Variants in BST1 observed in about 807,000 individuals in gnomAD.
BST1 encodes bone marrow stromal cell antigen 1, also known as ADP-ribosyl cyclase/cyclic ADP-ribose hydrolase 2.
Under a neutral mutation model 40.6 loss-of-function variants are expected in BST1, and 49 were observed. The observed-to-expected ratio is 1.21, with a 90% CI of 0.96 to 1.53. The LOEUF (loss-of-function observed/expected upper bound fraction) is 1.53. Ranked by LOEUF, BST1 falls within the 40% of genes most tolerant of loss-of-function variation. The probability of loss-of-function intolerance (pLI) is 0.00; values close to 1 mark genes in which losing one functional copy is unlikely to be tolerated. For missense variants in BST1, 423 were observed against 395.9 expected (o/e 1.07, Z -0.58); for synonymous variants, 157 against 159.3 (o/e 0.99, Z 0.11).
chr4:15,756,881 A>C, the BST1 span, among the ~76,000 whole-genome samples: 4 of 152,140 alleles, frequency 2.6e-5, no homozygotes, highest in Admixed American at 1.3e-4. Flanking sequence ...CCCAAAATAC[A>C]CTTCCTGGCA....
At chr4:15,709,357 G>A (rs1012005717) in intron 3 of BST1, among the ~76,000 whole-genome samples, 6 of 152,180 alleles carry the variant, frequency 3.9e-5, no homozygotes, top group Non-Finnish European at 5.9e-5. Context: ...GGGCAAAGAG[G>A]AAAGTGTGAG....
chr4:15,715,889 A>G, intron 6 of BST1, 90 bp downstream of exon 6: 1 of 988,850 alleles, frequency 1.0e-6, no homozygotes, highest in Non-Finnish European at 1.4e-6. Context: ...TTTTCAGTTT[A>G]GGGGAAATGA....
chr4:15,768,848 A>G, the BST1 span, among the ~76,000 whole-genome samples: 8 of 152,174 alleles, frequency 5.3e-5, no homozygotes, highest in African/African-American at 9.7e-5. Context: ...GGGAAAAAAA[A>G]GCCCTCCTGA....
At chr4:15,703,458 T>C in intron 1 of BST1, 126 bp downstream of exon 1, 1 of 1,303,642 alleles carries the variant, frequency 7.7e-7, no homozygotes, top group Non-Finnish European at 9.9e-7. Flanking sequence ...AGGGGAGAGG[T>C]GAGTGTGGAG....
At chr4:15,730,309 T>C (rs991967929) in intron 8 of BST1, among the ~76,000 whole-genome samples, 1 of 152,230 alleles carries the variant, frequency 6.6e-6, no homozygotes, top group African/African-American at 2.4e-5. Context: ...GTAATTTCTG[T>C]TTTTACAAAC....
chr4:15,763,233 T>C, the BST1 span, among the ~76,000 whole-genome samples: 3 of 151,848 alleles, frequency 2.0e-5, no homozygotes, highest in African/African-American at 7.3e-5. Context: ...TAAAATGCTA[T>C]TTCAGAAGAA....
downstream of BST1, among the ~76,000 whole-genome samples, chr4:15,742,101 C>T (rs887268583): frequency 6.6e-6 from 1 of 152,210 alleles, no homozygotes; most frequent in African/African-American, 2.4e-5. Context: ...AGAAGGTGGT[C>T]TCTTCTCTTG....
At chr4:15,716,571 C>T (rs1720527295) in intron 6 of BST1, among the ~76,000 whole-genome samples, 1 of 152,198 alleles carries the variant, frequency 6.6e-6, no homozygotes, top group Admixed American at 6.5e-5. Context: ...TGTTGGCCCC[C>T]AGGACCTTCT....
At chr4:15,764,282 A>C in the BST1 span, among the ~76,000 whole-genome samples, 909 of 152,176 alleles carry the variant, frequency 6.0e-3, 21 homozygotes, top group African/African-American at 0.021. Context: ...TCAATGAATT[A>C]TATTTGGGGC....
At chr4:15,747,462 T>C in the BST1 span, among the ~76,000 whole-genome samples, 1 of 152,158 alleles carries the variant, frequency 6.6e-6, no homozygotes, top group South Asian at 2.1e-4. Flanking sequence ...ATCCTGGCCT[T>C]CAGAATATAA....
the BST1 span, among the ~76,000 whole-genome samples, chr4:15,765,113 T>C: frequency 1.3e-5 from 2 of 151,962 alleles, no homozygotes; most frequent in Non-Finnish European, 2.9e-5. Context: ...TTGTGGAGCA[T>C]GGCACGGTGT....
chr4:15,753,788 C>T, the BST1 span, among the ~76,000 whole-genome samples: 4 of 152,216 alleles, frequency 2.6e-5, no homozygotes, highest in Non-Finnish European at 5.9e-5. Context: ...TTAATAGGGA[C>T]TATCTGCAAA....
chr4:15,707,855 CTATATATA>C (rs1553863514), intron 3 of BST1, among the ~76,000 whole-genome samples: 1 of 128,630 alleles, frequency 7.8e-6, no homozygotes, highest in Non-Finnish European at 1.6e-5. Flanking sequence ...CTCTCTCTCT[CTATATATA>C]TATATATATA....
At chr4:15,760,839 C>A in the BST1 span, among the ~76,000 whole-genome samples, 8 of 150,718 alleles carry the variant, frequency 5.3e-5, no homozygotes, top group Admixed American at 1.3e-4. Context: ...CAGGTGTGCA[C>A]CACCACGCCT....
chr4:15,719,206 G>A (rs1033179031), intron 7 of BST1, among the ~76,000 whole-genome samples: 7 of 152,128 alleles, frequency 4.6e-5, no homozygotes, highest in Admixed American at 6.5e-5. Flanking sequence ...GGCACTGGAC[G>A]TTTAAAGAAC....
the BST1 span, among the ~76,000 whole-genome samples, chr4:15,753,940 G>A: frequency 1.3e-5 from 2 of 152,216 alleles, no homozygotes; most frequent in African/African-American, 4.8e-5. Flanking sequence ...GTGGCCTGAG[G>A]CAACCCTGCA....
downstream of BST1, among the ~76,000 whole-genome samples, chr4:15,732,998 G>A (rs566009025): frequency 1.5e-4 from 23 of 152,318 alleles, 1 homozygote; most frequent in African/African-American, 4.1e-4. Flanking sequence ...GCGGACCTTC[G>A]CGGCAAGTGT....
chr4:15,712,246 A>G (rs1720257374), intron 4 of BST1, among the ~76,000 whole-genome samples: 1 of 152,210 alleles, frequency 6.6e-6, no homozygotes, highest in Admixed American at 6.5e-5. Flanking sequence ...AGACCCTAGG[A>G]TGCTGGAGAT....
At chr4:15,762,636 T>C in the BST1 span, among the ~76,000 whole-genome samples, 2 of 151,934 alleles carry the variant, frequency 1.3e-5, no homozygotes, top group Non-Finnish European at 2.9e-5. Flanking sequence ...TACTCTCTGC[T>C]ATGAGTTTGG....
Sources: allele counts gnomAD v4.1 joint callset (sites outside exome capture counted in the v4.1 genomes callset), GRCh38; gene constraint gnomAD v4.1.1; transcripts MANE v1.5; gene names NCBI Gene and HGNC (gene_info 2026-07-23, HGNC 2026-07-21).